Variants in NPAS3 observed in about 807,000 individuals in gnomAD.
NPAS3 encodes the protein neuronal PAS domain-containing protein 3.
Under a neutral mutation model 73.1 loss-of-function variants are expected in NPAS3, and 14 were observed. That is an observed-to-expected ratio of 0.19 (90% CI 0.13 to 0.30). The LOEUF is 0.30. NPAS3 is among the 10% of genes least tolerant of loss of function. The pLI, the probability that NPAS3 is intolerant of heterozygous loss-of-function variation, is 1.00. For missense variants in NPAS3, 1,096 were observed against 1,250.0 expected, an observed-to-expected ratio of 0.88 and a Z score of 1.86; for synonymous variants, 620 against 541.5, an observed-to-expected ratio of 1.14 and a Z score of -2.01.
intron 1 of NPAS3, among the ~76,000 whole-genome samples, chr14:32,997,244 A>G (rs1229168569): frequency 2.6e-5 from 4 of 152,208 alleles, no homozygotes; most frequent in Admixed American, 2.0e-4. Context: ...GGAAGTAACT[A>G]ACTTGCTTTT....
intron 5 of NPAS3, among the ~76,000 whole-genome samples, chr14:33,563,995 C>T (rs757146725): frequency 4.6e-5 from 7 of 152,094 alleles, no homozygotes; most frequent in African/African-American, 1.2e-4. Flanking sequence ...GGATTTAAAG[C>T]TTAGAGAAAT....
At chr14:33,290,888 C>A (rs1246585071) in intron 3 of NPAS3, among the ~76,000 whole-genome samples, 1 of 152,164 alleles carries the variant, frequency 6.6e-6, no homozygotes, top group African/African-American at 2.4e-5. Flanking sequence ...GCATAATTGT[C>A]ACAGGTTTCT....
At chr14:33,434,053 G>A (rs576450622) in intron 4 of NPAS3, among the ~76,000 whole-genome samples, 2 of 151,938 alleles carry the variant, frequency 1.3e-5, no homozygotes, top group African/African-American at 4.8e-5. Flanking sequence ...TTAGCTGGGC[G>A]TGGTGGCAGG....
intron 2 of NPAS3, among the ~76,000 whole-genome samples, chr14:33,085,363 C>T (rs536911511): frequency 4.6e-5 from 7 of 152,266 alleles, no homozygotes; most frequent in African/African-American, 1.2e-4. Context: ...GAGAAAATGG[C>T]GTAATTATTT....
upstream of NPAS3, among the ~76,000 whole-genome samples, chr14:32,938,929 G>A (rs1425968101): frequency 1.4e-5 from 2 of 144,780 alleles, no homozygotes; most frequent in African/African-American, 2.5e-5. Flanking sequence ...GGGGCGGCCC[G>A]GGCCGCGGGC....
intron 4 of NPAS3, among the ~76,000 whole-genome samples, chr14:33,481,520 C>T (rs1168235023): frequency 6.6e-6 from 1 of 152,152 alleles, no homozygotes; most frequent in Non-Finnish European, 1.5e-5. Flanking sequence ...GGAAAGCAAA[C>T]ATATAACACA....
At chr14:33,108,829 G>C (rs1223066023) in intron 2 of NPAS3, among the ~76,000 whole-genome samples, 1 of 152,042 alleles carries the variant, frequency 6.6e-6, no homozygotes, top group Non-Finnish European at 1.5e-5. Context: ...AATATAGTCT[G>C]CTTGCCTGCC....
intron 5 of NPAS3, among the ~76,000 whole-genome samples, chr14:33,643,393 A>C (rs1176301281): frequency 3.7e-4 from 55 of 147,054 alleles, no homozygotes; most frequent in African/African-American, 1.3e-3. Flanking sequence ...AAAAAAAAAA[A>C]AAAAACGAGA....
chr14:33,301,324 T>TATATATATATATATATATATATA lies in NPAS3; in HGVS notation c.386-65862_386-65861insATATATATATATATATATATATA, dbSNP rs56204986. On this transcript the variant is annotated intron_variant, in intron 3 of 11. Coordinates refer to ENST00000356141, the Ensembl canonical transcript of NPAS3. ...TTTATCATTATATATATATATATAT[T>TATATATATATATATATATATATA]TTTTTTTTTTAAATCTAGCTGTAAT... Among the ~76,000 whole-genome samples, 546 of 75,316 alleles carry TATATATATATATATATATATATA rather than the reference T, an allele frequency of 7.2e-3. 50 individuals carry two copies. The highest frequency in any genetic ancestry group is 0.014 in the East Asian group (33 of 2,380). The allele number at this position is 75,316 out of a possible 152,430, so 49.4% of individuals were successfully genotyped here.
chr14:33,187,612 G>A (rs1234382294), intron 2 of NPAS3, among the ~76,000 whole-genome samples: 1 of 152,162 alleles, frequency 6.6e-6, no homozygotes, highest in African/African-American at 2.4e-5. Flanking sequence ...CAGGTTGATT[G>A]TTGAAGCCCG....
chr14:33,795,079 C>A (rs1226799083), intron 10 of NPAS3, among the ~76,000 whole-genome samples: 1 of 152,222 alleles, frequency 6.6e-6, no homozygotes, highest in Non-Finnish European at 1.5e-5. Flanking sequence ...GGGAAGCTAA[C>A]AACCATGGCT....
chr14:33,750,921 C>T (rs1318356498), intron 7 of NPAS3, among the ~76,000 whole-genome samples: 1 of 152,172 alleles, frequency 6.6e-6, no homozygotes, highest in Non-Finnish European at 1.5e-5. Flanking sequence ...ATCTCAAAGA[C>T]AGCATCATGT....
chr14:33,598,528 T>C (rs2057310915), intron 5 of NPAS3, among the ~76,000 whole-genome samples: 1 of 152,236 alleles, frequency 6.6e-6, no homozygotes, highest in African/African-American at 2.4e-5. Flanking sequence ...GAAAATGCTG[T>C]GAATTCAAGG....
chr14:33,789,099 G>A (rs1448777714), intron 9 of NPAS3, among the ~76,000 whole-genome samples: 2 of 151,968 alleles, frequency 1.3e-5, no homozygotes, highest in African/African-American at 2.4e-5. Context: ...ACAGTTAGAG[G>A]TACGTGGTAT....
chr14:33,708,373 G>A (rs1230321936), intron 6 of NPAS3, among the ~76,000 whole-genome samples: 1 of 151,680 alleles, frequency 6.6e-6, no homozygotes, highest in Non-Finnish European at 1.5e-5. Context: ...AGGACTTTAG[G>A]TAAGAAAGAA....
intron 2 of NPAS3, among the ~76,000 whole-genome samples, chr14:33,122,025 A>G (rs1481879071): frequency 9.9e-5 from 15 of 152,160 alleles, no homozygotes; most frequent in Admixed American, 9.8e-4. Context: ...TACTGTGTTA[A>G]TGTATCACTG....
intron 4 of NPAS3, among the ~76,000 whole-genome samples, chr14:33,449,727 G>A (rs560571627): frequency 6.6e-6 from 1 of 152,018 alleles, no homozygotes; most frequent in African/African-American, 2.4e-5. Context: ...TTTAAATGTT[G>A]CATAGACTTT....
chr14:33,154,930 T>C (rs1958010), intron 2 of NPAS3, among the ~76,000 whole-genome samples: 117,599 of 152,164 alleles, frequency 0.77, 45,872 homozygotes, highest in African/African-American at 0.86. Flanking sequence ...ATTTGCGTTT[T>C]TGGTAAAGAT....
At chr14:33,568,797 T>C (rs1305694687) in intron 5 of NPAS3, among the ~76,000 whole-genome samples, 1 of 152,206 alleles carries the variant, frequency 6.6e-6, no homozygotes, top group Non-Finnish European at 1.5e-5. Flanking sequence ...TTTGCATAAG[T>C]TCTAGAACTA....
Sources: gnomAD v4.1 joint callset for allele counts (sites outside exome capture counted in the v4.1 genomes callset) on GRCh38, gnomAD v4.1.1 for gene constraint, MANE v1.5 for transcripts, NCBI Gene and HGNC (gene_info 2026-07-23, HGNC 2026-07-21) for gene names.